Variants in DLG3 observed in about 807,000 individuals in gnomAD.
DLG3 encodes the protein discs large MAGUK scaffold protein 3.
A neutral mutation model predicts 64.1 loss-of-function variants in DLG3; 1 was observed. The observed-to-expected ratio is 0.02, with a 90% CI of 0.01 to 0.07. The LOEUF (loss-of-function observed/expected upper bound fraction) is 0.07, where lower values mean the gene tolerates loss of function less well. DLG3 is among the 10% of genes least tolerant of loss of function. DLG3 has a pLI of 1.00. For missense variants in DLG3, 429 were observed against 669.5 expected, an observed-to-expected ratio of 0.64 and a Z score of 3.96; for synonymous variants, 245 against 259.8, an observed-to-expected ratio of 0.94 and a Z score of 0.55.
intron 5 of DLG3, 146 bp from the exon 6 acceptor site, chrX:70,450,493 C>T (rs1402764069): frequency 1.1e-6 from 1 of 917,339 alleles, no homozygotes; most frequent in Non-Finnish European, 1.5e-6. Context: ...TTGCCCTATC[C>T]CCTACCTCCT....
At chrX:70,486,553 C>T (rs186941217) in intron 10 of DLG3, among the ~76,000 whole-genome samples, 15 of 111,868 alleles carry the variant, frequency 1.3e-4, no homozygotes, top group East Asian at 2.8e-4. Context: ...CATGCATGTG[C>T]GCATGTGCAC....
At chrX:70,466,695 C>G (rs1166623776) in intron 9 of DLG3, among the ~76,000 whole-genome samples, 1 of 110,709 alleles carries the variant, frequency 9.0e-6, no homozygotes, top group African/African-American at 3.3e-5. Flanking sequence ...CCACTTCAGC[C>G]TCCCAAAGTG....
chrX:70,450,576 TC>T, intron 5 of DLG3, 62 bp from the exon 6 acceptor site: 1 of 1,183,604 alleles, frequency 8.4e-7, no homozygotes, highest in Non-Finnish European at 1.1e-6. Flanking sequence ...AAGGCATCCC[TC>T]GAGTTCCCTG....
At chrX:70,447,526 C>T (rs761558001) in intron 1 of DLG3, among the ~76,000 whole-genome samples, 1 of 112,401 alleles carries the variant, frequency 8.9e-6, no homozygotes, top group African/African-American at 3.2e-5. Flanking sequence ...CTCTCTCCCT[C>T]TCCTCCTCTC....
At chrX:70,483,874 G>A (rs1343565431) in intron 10 of DLG3, among the ~76,000 whole-genome samples, 1 of 112,317 alleles carries the variant, frequency 8.9e-6, no homozygotes, top group Non-Finnish European at 1.9e-5. Context: ...AGTCTGCCCA[G>A]CCTAGGGCTT....
intron 9 of DLG3, among the ~76,000 whole-genome samples, chrX:70,465,777 A>G (rs1011511712): frequency 2.7e-5 from 3 of 111,904 alleles, no homozygotes; most frequent in African/African-American, 9.7e-5. Context: ...TTATGTCATG[A>G]ACATTTTCCT....
intron 9 of DLG3, among the ~76,000 whole-genome samples, chrX:70,458,289 G>A (rs907861782): frequency 8.1e-5 from 9 of 111,570 alleles, no homozygotes; most frequent in African/African-American, 2.9e-4. Flanking sequence ...TGGGATCACC[G>A]CTCCCGGCCT....
rs182992558 is a variant in DLG3 at position 70,479,061 on chromosome X, C to G, written c.1406-89C>G. 1.3e-3 allele frequency: 1,056 copies of G among 835,516 alleles called. 2 individuals are homozygous for G. Among genetic ancestry groups the G allele is most frequent in the Middle Eastern group, 7.9e-3 (28 of 3,558 alleles). The allele number at this position is 835,516 out of a possible 1,213,427, so 68.9% of individuals were successfully genotyped here. On this transcript the variant is annotated intron_variant, in intron 9 of 18. Coordinates refer to ENST00000374360, the MANE Select transcript of DLG3 (RefSeq NM_021120.4). ...CTCTGGCTGCTTTTAAGCCAAGGGGCCTTCTGGCTTTTTGGCTGCTGGCAT... is the reference window on the plus strand; with the variant it reads ...CTCTGGCTGCTTTTAAGCCAAGGGGGCTTCTGGCTTTTTGGCTGCTGGCAT...
intron 10 of DLG3, among the ~76,000 whole-genome samples, chrX:70,488,252 C>T (rs763989557): frequency 4.5e-5 from 5 of 111,487 alleles, no homozygotes; most frequent in South Asian, 7.6e-4. Flanking sequence ...CCTTGTGATC[C>T]GCCCGCCTCA....
chrX:70,502,344 C>A lies in DLG3; in HGVS notation c.*75C>A. ...TTCCCTCCTCCCTCTTCATTCCTGT[C>A]CCCATGGGGAGAACAAATGCTACTG... is the stretch of plus-strand genomic sequence containing the variant. On this transcript the variant is annotated 3_prime_UTR_variant, in exon 19 of 19. Transcript: ENST00000374360. The A allele has an allele frequency of 1.3e-6, 1 of 747,341 alleles. No homozygotes were observed. Among genetic ancestry groups the A allele is most frequent in the South Asian group, 2.2e-5 (1 of 44,734 alleles). The allele number at this position is 747,341 out of a possible 1,213,427, so 61.6% of individuals were successfully genotyped here.
At chrX:70,447,704 G>C (rs1416107776) in intron 1 of DLG3, among the ~76,000 whole-genome samples, 1 of 112,343 alleles carries the variant, frequency 8.9e-6, no homozygotes, top group Non-Finnish European at 1.9e-5. Flanking sequence ...GGGTGCCAGG[G>C]TACCTGGGGA....
chrX:70,455,084 C>A (rs1174387561), intron 9 of DLG3: 3 of 704,237 alleles, frequency 4.3e-6, no homozygotes, highest in African/African-American at 2.4e-5. Flanking sequence ...GCGGCAGGCG[C>A]CCCTCCTTCC....
intron 10 of DLG3, among the ~76,000 whole-genome samples, chrX:70,482,869 G>A (rs942904092): frequency 3.7e-5 from 4 of 108,222 alleles, no homozygotes; most frequent in Admixed American, 3.0e-4. Context: ...GGGTTTCATC[G>A]TGTTAGCCAG....
chrX:70,462,243 CTTTTTTTT>C (rs141689653), intron 9 of DLG3, among the ~76,000 whole-genome samples: 4 of 46,984 alleles, frequency 8.5e-5, no homozygotes, highest in African/African-American at 4.3e-4. Context: ...TTCTTTCTTT[CTTTTTTTT>C]TTTTTTTTTT....
chrX:70,457,227 C>T (rs1022866992), intron 9 of DLG3, among the ~76,000 whole-genome samples: 3 of 111,279 alleles, frequency 2.7e-5, no homozygotes, highest in Non-Finnish European at 1.9e-5. Context: ...ACCTGAGGGA[C>T]CTAACACCTA....
chrX:70,479,372 C>A, intron 10 of DLG3, 108 bp downstream of exon 10: 2 of 608,804 alleles, frequency 3.3e-6, no homozygotes, highest in South Asian at 2.3e-5. Context: ...ACTCCCAGTT[C>A]TAAAATAACG....
At chrX:70,482,660 G>GT (rs200729766) in intron 10 of DLG3, among the ~76,000 whole-genome samples, 17 of 69,245 alleles carry the variant, frequency 2.5e-4, no homozygotes, top group Admixed American at 5.5e-4. Flanking sequence ...TACATGTGTG[G>GT]TGTTTTTTTT....
intron 9 of DLG3, among the ~76,000 whole-genome samples, chrX:70,472,822 A>G (rs1348724884): frequency 8.9e-6 from 1 of 111,906 alleles, no homozygotes; most frequent in African/African-American, 3.2e-5. Context: ...AAATCATTCA[A>G]TGGCTTCTTT....
In DLG3 at chrX:70,501,038, C is replaced by T. The variant is rs186630361; in HGVS notation, c.2347+49C>T. On this transcript the variant is annotated intron_variant, in intron 18 of 18. Transcript: ENST00000374360. ...GGGGTTCTGGGGAACTAGCCAGGTA[C>T]CTGTTTCTATAAGTGTCTCAAAGAG... is the stretch of plus-strand genomic sequence containing the variant. 9 of 958,854 alleles carry T rather than the reference C, an allele frequency of 9.4e-6. 1 individual carries two copies. In the East Asian group the frequency reaches 2.7e-4, roughly 28 times the overall value. The allele number at this position is 958,854 out of a possible 1,213,427, so 79.0% of individuals were successfully genotyped here. A position where few individuals can be genotyped will look rare whatever the true frequency, so the allele number is the denominator to read the frequency against.
Sources: gnomAD v4.1 joint callset for allele counts (sites outside exome capture counted in the v4.1 genomes callset) on GRCh38, gnomAD v4.1.1 for gene constraint, MANE v1.5 for transcripts, NCBI Gene and HGNC (gene_info 2026-07-23, HGNC 2026-07-21) for gene names.